TAF5L: variants seen among roughly 807,000 people sequenced by gnomAD.
The protein encoded by TAF5L is TAF5-like RNA polymerase II p300/CBP-associated factor-associated factor 65 kDa subunit 5L.
TAF5L carries 7 observed loss-of-function variants against 51.3 expected under a neutral mutation model. The observed-to-expected ratio is 0.14, with a 90% CI of 0.08 to 0.26. The LOEUF is 0.26. Ranked by LOEUF, TAF5L falls within the 10% of genes least tolerant of loss-of-function variation. The pLI, the probability that TAF5L is intolerant of heterozygous loss-of-function variation, is 1.00. For synonymous variants in TAF5L, 291 were observed against 308.1 expected, an observed-to-expected ratio of 0.94 and a Z score of 0.58; for missense variants, 575 against 758.9, an observed-to-expected ratio of 0.76 and a Z score of 2.85.
intron 1 of TAF5L, among the ~76,000 whole-genome samples, chr1:229,615,479 T>C (rs1264793819): frequency 6.6e-6 from 1 of 152,198 alleles, no homozygotes; most frequent in Non-Finnish European, 1.5e-5. Flanking sequence ...TAAGAGGGTA[T>C]GTATATGTGT....
chr1:229,620,782 A>G (rs1020172704), intron 1 of TAF5L, among the ~76,000 whole-genome samples: 3 of 152,198 alleles, frequency 2.0e-5, no homozygotes, highest in Non-Finnish European at 4.4e-5. Flanking sequence ...ACTATGCTTG[A>G]CTACATAAAG....
chr1:229,595,021 C>T (rs753653429), exon 5 of TAF5L: 1 of 1,614,176 alleles, frequency 6.2e-7, no homozygotes, highest in South Asian at 1.1e-5. Context: ...CGCGAGGAAC[C>T]TCGTGCTGTA....
chr1:229,599,759 T>C (rs933402680), intron 4 of TAF5L: 1 of 923,666 alleles, frequency 1.1e-6, no homozygotes, highest in Non-Finnish European at 1.3e-6. Context: ...TACAAGTGCC[T>C]GTGTGCACAT....
chr1:229,610,190 C>T lies in TAF5L; in HGVS notation c.163G>A (p.Ala55Thr), dbSNP rs747440658. ...CAAGGGGCTGCAGACACTATGTTGGCACAACCAGATTCTGATTGCACTAAA... is the reference window on the plus strand; with the variant it reads ...CAAGGGGCTGCAGACACTATGTTGGTACAACCAGATTCTGATTGCACTAAA... Residue 55 changes from alanine to threonine, a missense_variant, in exon 3 of 5, where the codon GCC becomes ACC. Transcript: ENST00000258281. The T allele has an allele frequency of 4.3e-5, 70 of 1,614,020 alleles. No individual in the cohort carries two copies. Among genetic ancestry groups the T allele is most frequent in the Non-Finnish European group, 5.3e-5 (63 of 1,179,994 alleles).
At chr1:229,614,600 G>A in intron 1 of TAF5L, 115 bp from the exon 2 acceptor site, 1 of 1,342,762 alleles carries the variant, frequency 7.4e-7, no homozygotes, top group Non-Finnish European at 1.0e-6. Flanking sequence ...CAGCCATGTG[G>A]CTAAGTGGCC....
chr1:229,621,419 C>T (rs2102767207), intron 1 of TAF5L, among the ~76,000 whole-genome samples: 1 of 152,336 alleles, frequency 6.6e-6, no homozygotes, highest in Admixed American at 6.5e-5. Context: ...CACCTTGATA[C>T]ACCTTACTGG....
intron 3 of TAF5L, among the ~76,000 whole-genome samples, chr1:229,605,754 T>C (rs1375340735): frequency 2.6e-5 from 4 of 152,210 alleles, no homozygotes; most frequent in Non-Finnish European, 5.9e-5. Context: ...CTTCCCCTAG[T>C]AGAAGGAATT....
chr1:229,621,408 C>T (rs373125708), intron 1 of TAF5L, among the ~76,000 whole-genome samples: 351 of 151,462 alleles, frequency 2.3e-3, no homozygotes, highest in South Asian at 0.011. Flanking sequence ...ACATACCCAT[C>T]CACCTTGATA....
intron 3 of TAF5L, chr1:229,606,712 A>T (rs1664607996): frequency 1.0e-6 from 1 of 985,178 alleles, no homozygotes; most frequent in African/African-American, 1.7e-5. Flanking sequence ...GCCTCTTAGG[A>T]GCCAGGTACT....
chr1:229,623,066 CA>C (rs947758716), intron 1 of TAF5L, among the ~76,000 whole-genome samples: 1 of 152,192 alleles, frequency 6.6e-6, no homozygotes, highest in African/African-American at 2.4e-5. Flanking sequence ...CACCCGAGGT[CA>C]GGAGTTCAAG....
chr1:229,612,351 T>C (rs1484426479), intron 2 of TAF5L, among the ~76,000 whole-genome samples: 1 of 152,222 alleles, frequency 6.6e-6, no homozygotes, highest in Non-Finnish European at 1.5e-5. Context: ...CTACTTTCTA[T>C]CAACAACAGC....
exon 5 of TAF5L, chr1:229,593,926 C>T (rs1452493668): frequency 9.6e-6 from 2 of 208,030 alleles, no homozygotes; most frequent in Non-Finnish European, 2.0e-5. Context: ...ACCCCTGCGG[C>T]GCCACTTCTC....
At chr1:229,596,357 A>T (rs16849986) in intron 4 of TAF5L, among the ~76,000 whole-genome samples, 1 of 152,120 alleles carries the variant, frequency 6.6e-6, no homozygotes, top group African/African-American at 2.4e-5. Flanking sequence ...TGGATGTTTA[A>T]GAATTAACAC....
chr1:229,622,177 G>A (rs1240695965), intron 1 of TAF5L, among the ~76,000 whole-genome samples: 1 of 151,498 alleles, frequency 6.6e-6, no homozygotes, highest in Non-Finnish European at 1.5e-5. Context: ...CCCCCATCAG[G>A]AAGAATGACT....
intron 2 of TAF5L, among the ~76,000 whole-genome samples, chr1:229,611,328 G>A (rs186038374): frequency 6.6e-6 from 1 of 152,056 alleles, no homozygotes; most frequent in Admixed American, 6.6e-5. Flanking sequence ...AGAGGAGTGG[G>A]GAACACCGGG....
rs192055675 is a variant in TAF5L, at chr1:229,598,764, T to C, written c.972+3431A>G. The stretch of plus-strand genomic sequence containing the variant: ...CCCAGGCTGGAGTGCAGTGGCGCGG[T>C]CTCAGCTCACTGCAACCCCTGCTGC... On this transcript the variant is annotated intron_variant, in intron 4 of 4. Coordinates refer to ENST00000258281, the Ensembl canonical transcript of TAF5L. 1.6e-4 allele frequency among the ~76,000 whole-genome samples: 24 copies of C among 150,966 alleles called. No individual in the cohort carries two copies. The East Asian group carries it at 4.5e-3, about 28-fold the overall frequency.
At chr1:229,596,014 C>T (rs1352626839) in intron 4 of TAF5L, among the ~76,000 whole-genome samples, 1 of 152,204 alleles carries the variant, frequency 6.6e-6, no homozygotes, top group African/African-American at 2.4e-5. Context: ...GTGGCTCGCA[C>T]TGTAATCCCA....
At chr1:229,607,125 T>C (rs994849489) in intron 3 of TAF5L, 4 of 985,284 alleles carry the variant, frequency 4.1e-6, no homozygotes, top group African/African-American at 1.7e-5. Context: ...TTCTGACTTA[T>C]TTATTTTCAA....
chr1:229,618,572 A>C (rs1665089025), intron 1 of TAF5L, among the ~76,000 whole-genome samples: 1 of 152,218 alleles, frequency 6.6e-6, no homozygotes, highest in Non-Finnish European at 1.5e-5. Flanking sequence ...ATAAAATCCC[A>C]CATGATCATT....
Sources: gnomAD v4.1 joint callset for allele counts (sites outside exome capture counted in the v4.1 genomes callset) on GRCh38, gnomAD v4.1.1 for gene constraint, MANE v1.5 for transcripts, NCBI Gene and HGNC (gene_info 2026-07-23, HGNC 2026-07-21) for gene names.